The following PRDM11 variants were observed in gnomAD, a reference collection of about 807,000 sequenced individuals.
The protein encoded by PRDM11 is PR domain-containing protein 11.
In PRDM11, 20 loss-of-function variants were observed where a neutral mutation model predicts 97.8. That is an observed-to-expected ratio of 0.20 (90% CI 0.14 to 0.30). The LOEUF is 0.30. PRDM11 is among the 10% of genes least tolerant of loss of function. The pLI, the probability that PRDM11 is intolerant of heterozygous loss-of-function variation, is 1.00. For synonymous variants in PRDM11, 599 were observed against 637.7 expected, an observed-to-expected ratio of 0.94 and a Z score of 0.91; for missense variants, 1,139 against 1,555.2, an observed-to-expected ratio of 0.73 and a Z score of 4.50.
rs1458857432 is a variant in PRDM11, at chr11:45,231,521, G to A, written c.*3362G>A. On this transcript the variant is annotated 3_prime_UTR_variant, in exon 8 of 8. Coordinates refer to ENST00000683152, the MANE Select transcript of PRDM11 (RefSeq NM_001384648.1). Reference sequence around the variant, plus strand: ...CAGGCTTAGAATGAAGTGTGTCTCTGGGGCTGAGACTTGGCATAACTGGGC... The same window carrying A: ...CAGGCTTAGAATGAAGTGTGTCTCTAGGGCTGAGACTTGGCATAACTGGGC... 1 of 151,926 alleles carries A rather than the reference G, an allele frequency of 6.6e-6. No homozygotes were observed. Among genetic ancestry groups the A allele is most frequent in the East Asian group, 1.9e-4 (1 of 5,168 alleles). 9.4% of individuals were successfully genotyped at this position (151,926 alleles called of 1,614,324 possible). A position where few individuals can be genotyped will look rare whatever the true frequency, so the allele number is the denominator to read the frequency against.
intron 1 of PRDM11, among the ~76,000 whole-genome samples, chr11:45,155,292 C>T (rs141197843): frequency 5.0e-4 from 76 of 152,314 alleles, no homozygotes; most frequent in African/African-American, 1.4e-3. Context: ...TGGAGATGGC[C>T]GGCTTGGGAG....
intron 1 of PRDM11, among the ~76,000 whole-genome samples, chr11:45,111,775 T>G (rs1852187887): frequency 6.6e-6 from 1 of 152,020 alleles, no homozygotes; most frequent in Non-Finnish European, 1.5e-5. Context: ...GCCCATTGAG[T>G]TGGTCCATGA....
upstream of PRDM11, among the ~76,000 whole-genome samples, chr11:45,144,888 T>C (rs897364781): frequency 6.6e-6 from 1 of 152,118 alleles, no homozygotes; most frequent in African/African-American, 2.4e-5. Flanking sequence ...GTGCATTCAG[T>C]TCTGAATTAA....
chr11:45,137,003 A>G (rs1852868588), intron 1 of PRDM11, among the ~76,000 whole-genome samples: 2 of 149,878 alleles, frequency 1.3e-5, no homozygotes, highest in African/African-American at 2.5e-5. Context: ...AAAAAAAAAA[A>G]AGAAAAAAAA....
intron 1 of PRDM11, among the ~76,000 whole-genome samples, chr11:45,177,911 G>A (rs544862533): frequency 1.3e-5 from 2 of 152,218 alleles, no homozygotes; most frequent in South Asian, 4.2e-4. Flanking sequence ...TAACTGTCCT[G>A]TTTAGTATGT....
At chr11:45,104,401 G>T (rs1480519837) in intron 1 of PRDM11, among the ~76,000 whole-genome samples, 4 of 152,214 alleles carry the variant, frequency 2.6e-5, no homozygotes, top group Non-Finnish European at 5.9e-5. Context: ...ATCCATGGGG[G>T]TCGGGTTTCT....
intron 1 of PRDM11, among the ~76,000 whole-genome samples, chr11:45,114,403 A>G (rs911036773): frequency 3.3e-5 from 5 of 152,172 alleles, no homozygotes; most frequent in African/African-American, 1.2e-4. Flanking sequence ...TCTGAAGTGG[A>G]AAAAGGTTTG....
At chr11:45,158,935 C>A (rs1201614817) in intron 1 of PRDM11, among the ~76,000 whole-genome samples, 2 of 152,192 alleles carry the variant, frequency 1.3e-5, no homozygotes. Context: ...TTGCTCATCG[C>A]AGCCTGTCTT....
chr11:45,156,995 C>T (rs960473066), intron 1 of PRDM11, among the ~76,000 whole-genome samples: 7 of 151,884 alleles, frequency 4.6e-5, no homozygotes, highest in Non-Finnish European at 8.8e-5. Context: ...CAGGTGAGGG[C>T]CAGGCCGGGA....
At chr11:45,095,054 G>A (rs563954196), upstream of PRDM11, among the ~76,000 whole-genome samples, 2 of 152,260 alleles carry the variant, frequency 1.3e-5, no homozygotes, top group Admixed American at 6.5e-5. Context: ...GGCTGGCCTT[G>A]CCAACTGCTT....
At chr11:45,205,833 T>C (rs1787247867) in intron 5 of PRDM11, among the ~76,000 whole-genome samples, 1 of 152,076 alleles carries the variant, frequency 6.6e-6, no homozygotes, top group South Asian at 2.1e-4. Context: ...TATCAGAGAG[T>C]GGCTGAGCAG....
chr11:45,142,247 C>T (rs1851422648), upstream of PRDM11, among the ~76,000 whole-genome samples: 1 of 152,148 alleles, frequency 6.6e-6, no homozygotes, highest in Non-Finnish European at 1.5e-5. Flanking sequence ...GAGATCCCAC[C>T]CACTTCTCCC....
intron 6 of PRDM11, among the ~76,000 whole-genome samples, chr11:45,222,352 T>C (rs1313622165): frequency 6.6e-6 from 1 of 152,204 alleles, no homozygotes; most frequent in Admixed American, 6.5e-5. Flanking sequence ...GAGGAATCTC[T>C]GGTGATTTCT....
chr11:45,114,776 T>C (rs1366579476), intron 1 of PRDM11, among the ~76,000 whole-genome samples: 2 of 150,872 alleles, frequency 1.3e-5, no homozygotes, highest in Admixed American at 6.6e-5. Context: ...TCAGAGACAA[T>C]AGAAGCCAGA....
chr11:45,209,926 G>C (rs1853659951), intron 5 of PRDM11, among the ~76,000 whole-genome samples: 3 of 152,200 alleles, frequency 2.0e-5, no homozygotes, highest in Admixed American at 1.3e-4. Flanking sequence ...AACCAGGCCA[G>C]GCAGCAGCGT....
Sources: gnomAD v4.1 joint callset for allele counts (sites outside exome capture counted in the v4.1 genomes callset) on GRCh38, gnomAD v4.1.1 for gene constraint, MANE v1.5 for transcripts, NCBI Gene and HGNC (gene_info 2026-07-23, HGNC 2026-07-21) for gene names.